TMEM51: variants seen among roughly 807,000 people sequenced by gnomAD.
The protein encoded by TMEM51 is transmembrane protein 51.
TMEM51 carries 8 observed loss-of-function variants against 13.6 expected under a neutral mutation model. The observed-to-expected ratio is 0.59, with a 90% CI of 0.35 to 1.07. TMEM51 has a LOEUF of 1.07. Ranked by LOEUF, TMEM51 falls within the 50% of genes least tolerant of loss-of-function variation. TMEM51 has a pLI of 0.02. For missense variants in TMEM51, 279 were observed against 330.7 expected (o/e 0.84, Z 1.21); for synonymous variants, 147 against 144.4 (o/e 1.02, Z -0.13).
rs181187206 is a variant in TMEM51, at chr1:15,191,933, G to A, written c.-266-18557G>A. 41 of 532,226 alleles carry A rather than the reference G, an allele frequency of 7.7e-5. 1 individual carries two copies. The highest frequency in any genetic ancestry group is 1.8e-4 in the South Asian group (13 of 71,636). The allele number at this position is 532,226 out of a possible 1,614,324, so 33.0% of individuals were successfully genotyped here. ...TTCTCCTTTTCCAGAAGTTGTAGGC[G>A]TCTATTTAGTTTGATTATGTGTCGT... On this transcript the variant is annotated intron_variant, in intron 1 of 3. Transcript: ENST00000376008.
intron 1 of TMEM51, among the ~76,000 whole-genome samples, chr1:15,195,942 G>T (rs778971746): frequency 1.3e-5 from 2 of 152,090 alleles, no homozygotes; most frequent in Non-Finnish European, 2.9e-5. Flanking sequence ...ATTATGTGTG[G>T]GTCCTCAGAG....
rs1644034599 is a variant in TMEM51 at position 15,195,753 on chromosome 1, GAGC to G, written c.-266-14736_-266-14734del. Among the ~76,000 whole-genome samples the G allele has an allele frequency of 3.3e-5, 5 of 152,292 alleles. No homozygotes were observed. In the South Asian group the frequency reaches 1.0e-3, roughly 32 times the overall value. On this transcript the variant is annotated intron_variant, in intron 1 of 3. Transcript: ENST00000376008. ...CAGGGTTGCACACCTAGTGGGTACT[GAGC>G]CTGATTCCAGACTCCAGCAGCCTGA...
chr1:15,160,999 AAG>A (rs1468278083), intron 1 of TMEM51, among the ~76,000 whole-genome samples: 1 of 151,952 alleles, frequency 6.6e-6, no homozygotes, highest in Non-Finnish European at 1.5e-5. Flanking sequence ...GATTTTCAGA[AAG>A]AGTGCAGTCT....
intron 1 of TMEM51, among the ~76,000 whole-genome samples, chr1:15,181,439 A>T (rs889331621): frequency 6.6e-6 from 1 of 152,144 alleles, no homozygotes; most frequent in African/African-American, 2.4e-5. Flanking sequence ...GCCTTTTTGA[A>T]CTACATCCAG....
At chr1:15,215,493 C>T in intron 3 of TMEM51, 62 bp downstream of exon 3, 14 of 1,403,356 alleles carry the variant, frequency 1.0e-5, no homozygotes, top group Non-Finnish European at 1.2e-5. Flanking sequence ...CATGCACACA[C>T]ATGTTCACAC....
At chr1:15,215,725 G>C (rs563628950) in intron 3 of TMEM51, among the ~76,000 whole-genome samples, 1 of 152,058 alleles carries the variant, frequency 6.6e-6, no homozygotes, top group Non-Finnish European at 1.5e-5. Flanking sequence ...CCATAAAAAG[G>C]AACAAAATAC....
chr1:15,199,966 G>A (rs1359816157), intron 1 of TMEM51, among the ~76,000 whole-genome samples: 1 of 152,124 alleles, frequency 6.6e-6, no homozygotes, highest in Non-Finnish European at 1.5e-5. Context: ...GTGAGCACTC[G>A]GCCCAGGGTA....
chr1:15,171,697 A>G (rs773863235), intron 1 of TMEM51, among the ~76,000 whole-genome samples: 4 of 152,152 alleles, frequency 2.6e-5, no homozygotes, highest in South Asian at 2.1e-4. Flanking sequence ...CTTTTGACCA[A>G]TTATAACCCA....
At chr1:15,212,272 G>A (rs1482280062) in intron 2 of TMEM51, among the ~76,000 whole-genome samples, 2 of 152,138 alleles carry the variant, frequency 1.3e-5, no homozygotes, top group Non-Finnish European at 2.9e-5. Flanking sequence ...TCCCCACACT[G>A]AGTATTATCA....
Position 15,219,617 on chromosome 1 carries a change from C to T in TMEM51, c.636C>T (p.His212=), listed in dbSNP as rs765654046. ...KVRRIKSEKL[H]LKDFRINLPD... The stretch of plus-strand genomic sequence containing the variant: ...GAAGGATTAAATCTGAAAAGCTTCA[C>T]CTCAAAGACTTTAGGATCAACCTCC... Residue 212 remains histidine (H), a synonymous_variant, in exon 4 of 4, where the codon CAC becomes CAT. Coordinates refer to ENST00000376008, the MANE Select transcript of TMEM51 (RefSeq NM_001136218.2). 5.6e-6 allele frequency: 9 copies of T among 1,614,098 alleles called. No individual in the cohort carries two copies. Among genetic ancestry groups the T allele is most frequent in the South Asian group, 5.5e-5 (5 of 91,088 alleles).
chr1:15,198,708 C>A (rs916860751), intron 1 of TMEM51, among the ~76,000 whole-genome samples: 7 of 152,140 alleles, frequency 4.6e-5, no homozygotes, highest in African/African-American at 1.7e-4. Context: ...GTGAGCCACC[C>A]CACCTGGCCA....
intron 1 of TMEM51, among the ~76,000 whole-genome samples, chr1:15,191,268 C>T (rs1004818940): frequency 1.3e-5 from 2 of 152,204 alleles, no homozygotes; most frequent in Non-Finnish European, 2.9e-5. Flanking sequence ...CTGAAGCCTC[C>T]AGAAGGAACA....
intron 1 of TMEM51, among the ~76,000 whole-genome samples, chr1:15,160,377 A>T (rs1462898765): frequency 2.0e-5 from 3 of 152,002 alleles, no homozygotes; most frequent in Non-Finnish European, 4.4e-5. Context: ...GGATTCAAGC[A>T]ATTCTCTTGC....
intron 1 of TMEM51, among the ~76,000 whole-genome samples, chr1:15,189,072 G>T (rs1006544931): frequency 7.2e-5 from 11 of 152,022 alleles, no homozygotes; most frequent in African/African-American, 2.4e-4. Flanking sequence ...ACAGAATCTC[G>T]CTGTGTTGCC....
At chr1:15,172,092 T>C (rs946399162) in intron 1 of TMEM51, among the ~76,000 whole-genome samples, 10 of 152,168 alleles carry the variant, frequency 6.6e-5, no homozygotes, top group East Asian at 1.9e-4. Context: ...GAAAGTGGAC[T>C]CTGTCCAGGC....
intron 1 of TMEM51, among the ~76,000 whole-genome samples, chr1:15,171,627 G>T (rs539528384): frequency 1.1e-3 from 164 of 152,324 alleles, no homozygotes; most frequent in Middle Eastern, 6.8e-3. Flanking sequence ...CAATCATGAT[G>T]ACCTCTAAAG....
At chr1:15,165,819 G>C (rs935475180) in intron 1 of TMEM51, among the ~76,000 whole-genome samples, 2 of 152,096 alleles carry the variant, frequency 1.3e-5, no homozygotes, top group African/African-American at 4.8e-5. Context: ...TGATACGAAA[G>C]ATTGTTCATT....
At chr1:15,213,486 C>T (rs1644373684) in intron 2 of TMEM51, among the ~76,000 whole-genome samples, 2 of 152,180 alleles carry the variant, frequency 1.3e-5, no homozygotes, top group Admixed American at 1.3e-4. Flanking sequence ...TGCAAAAGTT[C>T]CTGTCACAGG....
chr1:15,166,714 A>G (rs904081591), intron 1 of TMEM51, among the ~76,000 whole-genome samples: 28 of 152,264 alleles, frequency 1.8e-4, no homozygotes, highest in Admixed American at 1.3e-3. Context: ...GTGAGACTCT[A>G]TCTCAAAAAA....
Sources: gnomAD v4.1 joint callset for allele counts (sites outside exome capture counted in the v4.1 genomes callset) on GRCh38, gnomAD v4.1.1 for gene constraint, MANE v1.5 for transcripts, NCBI Gene and HGNC (gene_info 2026-07-23, HGNC 2026-07-21) for gene names.